NAP1L1: variants seen among roughly 807,000 people sequenced by gnomAD.
NAP1L1 encodes nucleosome assembly protein 1-like 1.
NAP1L1 carries 9 observed loss-of-function variants against 58.9 expected under a neutral mutation model. That is an observed-to-expected ratio of 0.15 (90% CI 0.09 to 0.27). The LOEUF (loss-of-function observed/expected upper bound fraction) is 0.27. NAP1L1 is among the 10% of genes least tolerant of loss of function. The pLI is 1.00. For missense variants in NAP1L1, 302 were observed against 458.8 expected (o/e 0.66, Z 3.12); for synonymous variants, 130 against 138.3 (o/e 0.94, Z 0.42).
chr12:76,069,172 T>C (rs760289192), intron 2 of NAP1L1, among the ~76,000 whole-genome samples, 178 bp from the exon 3 acceptor site: 3 of 152,230 alleles, frequency 2.0e-5, no homozygotes, highest in Non-Finnish European at 4.4e-5. Flanking sequence ...TGGAAGTGCT[T>C]ACACTTTCAT....
chr12:76,057,929 G>T, intron 6 of NAP1L1: 1 of 1,130,790 alleles, frequency 8.8e-7, no homozygotes, highest in Non-Finnish European at 1.3e-6. Flanking sequence ...GACAAGGGTT[G>T]TGGCCTTGTA....
chr12:76,055,107 T>C lies in NAP1L1; in HGVS notation c.559-17A>G, dbSNP rs370229492. On this transcript the variant is annotated splice_polypyrimidine_tract_variant and intron_variant, in intron 7 of 14. Transcript: ENST00000618691. ...ATCGTGTTCCTTCAAATTAAAAAAATAATAAAAATGAATAACATGGCATTC... is the reference window on the plus strand; with the variant it reads ...ATCGTGTTCCTTCAAATTAAAAAAACAATAAAAATGAATAACATGGCATTC... 3.2e-6 allele frequency: 5 copies of C among 1,553,686 alleles called. No homozygotes were observed. Among genetic ancestry groups the C allele is most frequent in the Non-Finnish European group, 4.4e-6 (5 of 1,141,750 alleles).
At chr12:76,053,485 A>G (rs760935894) in intron 9 of NAP1L1, 135 bp from the exon 10 acceptor site, 1 of 1,052,310 alleles carries the variant, frequency 9.5e-7, no homozygotes, top group Non-Finnish European at 1.3e-6. Flanking sequence ...AGCAGTATAA[A>G]GGGAAAAATT....
At chr12:76,056,750 C>T (rs971013631) in intron 6 of NAP1L1, 18 of 414,070 alleles carry the variant, frequency 4.3e-5, no homozygotes, top group Non-Finnish European at 4.3e-5. Flanking sequence ...CAGTGGCTCA[C>T]GCTTGTAATC....
At position 76,047,534 on chromosome 12, in the gene NAP1L1, G is replaced by A. The variant is rs1415406788; in HGVS notation, c.*895C>T. The A allele has an allele frequency of 6.6e-6, 1 of 150,496 alleles. No individual in the cohort carries two copies. The highest frequency in any genetic ancestry group is 1.5e-5 in the Non-Finnish European group (1 of 67,676). 9.3% of individuals were successfully genotyped at this position (150,496 alleles called of 1,614,324 possible). On this transcript the variant is annotated 3_prime_UTR_variant, in exon 15 of 15. Transcript: ENST00000618691. ...AACTGAGTATAACCCTTAATTCAAGGTAGGCCTCTACTTCTACCTGAATTG... is the reference window on the plus strand; with the variant it reads ...AACTGAGTATAACCCTTAATTCAAGATAGGCCTCTACTTCTACCTGAATTG...
chr12:76,078,108 G>T (rs1950264719), intron 1 of NAP1L1, among the ~76,000 whole-genome samples: 3 of 151,768 alleles, frequency 2.0e-5, no homozygotes, highest in Admixed American at 2.0e-4. Flanking sequence ...GCCCAAAACT[G>T]AGGGCAAAAC....
chr12:76,052,289 C>A lies in NAP1L1; in HGVS notation c.936+802G>T, dbSNP rs186911838. Among the ~76,000 whole-genome samples the A allele has an allele frequency of 2.0e-5, 3 of 152,120 alleles. No homozygotes were observed. In the East Asian group the frequency reaches 5.8e-4, roughly 29 times the overall value. On this transcript the variant is annotated intron_variant, in intron 11 of 14. Coordinates refer to ENST00000618691, the MANE Select transcript of NAP1L1 (RefSeq NM_004537.7). ...AACAAAAAAAAACCCCAAACTTGAA[C>A]ACAAACTCCAACCCATCCACTGATA... is the stretch of plus-strand genomic sequence containing the variant.
chr12:76,062,268 A>G (rs766310660), intron 4 of NAP1L1, among the ~76,000 whole-genome samples: 15 of 152,160 alleles, frequency 9.9e-5, no homozygotes, highest in East Asian at 1.9e-4. Flanking sequence ...AAAGCACACC[A>G]TAAAAATTGC....
At chr12:76,084,318 C>T (rs1646268123) in intron 1 of NAP1L1, among the ~76,000 whole-genome samples, 1 of 152,170 alleles carries the variant, frequency 6.6e-6, no homozygotes, top group African/African-American at 2.4e-5. Context: ...GGCCTCCAGG[C>T]CGCGCCAACC....
chr12:76,056,066 A>C lies in NAP1L1; in HGVS notation c.525T>G (p.Phe175Leu), dbSNP rs747372763. ...TATCACTGAGCAAGTCAACATTCTT[A>C]AAAACAGTTAACCAAAATTCAGGAA... ...KGIPEFWLTVFKNVDLLSDMV... is the reference protein window; with the variant it reads ...KGIPEFWLTVLKNVDLLSDMV... The change falls in exon 7 of 15, where the codon TTT (phenylalanine) becomes TTG (leucine). Residue 175 changes from phenylalanine to leucine, a missense_variant. Phe to Leu is a conservative substitution (Grantham distance 22). Transcript: ENST00000618691. 1 of 1,612,230 alleles carries C rather than the reference A, an allele frequency of 6.2e-7. No homozygotes were observed. Among genetic ancestry groups the C allele is most frequent in the Non-Finnish European group, 8.5e-7 (1 of 1,179,742 alleles).
chr12:76,064,343 C>A (rs965244143), intron 4 of NAP1L1, among the ~76,000 whole-genome samples: 4 of 152,068 alleles, frequency 2.6e-5, no homozygotes, highest in Non-Finnish European at 5.9e-5. Context: ...TCAGGTCAAA[C>A]AGACAACCAA....
At chr12:76,051,003 A>AG (rs1948799870) in intron 11 of NAP1L1, among the ~76,000 whole-genome samples, 2 of 80,690 alleles carry the variant, frequency 2.5e-5, no homozygotes, top group South Asian at 9.7e-4. Flanking sequence ...TGGGCAACCG[A>AG]AAAAAAAAAA....
chr12:76,071,935 T>C (rs1487023114), intron 2 of NAP1L1, among the ~76,000 whole-genome samples: 1 of 143,948 alleles, frequency 6.9e-6, no homozygotes, highest in Non-Finnish European at 1.5e-5. Context: ...CCAGACACTG[T>C]TCAACGATGA....
At position 76,067,426 on chromosome 12, in the gene NAP1L1, C is replaced by A; in HGVS notation, c.151G>T (p.Ala51Ser). ...QMMQNPQILAALQERLDGLVE... is the reference protein window; with the variant it reads ...QMMQNPQILASLQERLDGLVE... ...AGACCATCAAGTCTTTCTTGAAGGG[C>A]TGCAAGAATCTGAGGATTTTGCATC... The change falls in exon 4 of 15, where the codon GCC (alanine) becomes TCC (serine). Residue 51 changes from alanine (A) to serine (S), a missense_variant. Ala to Ser is a moderately conservative substitution (Grantham distance 99, BLOSUM62 1). Coordinates refer to ENST00000618691, the MANE Select transcript of NAP1L1 (RefSeq NM_004537.7). The A allele has an allele frequency of 6.2e-7, 1 of 1,608,886 alleles. No individual in the cohort carries two copies. Among genetic ancestry groups the A allele is most frequent in the Non-Finnish European group, 8.5e-7 (1 of 1,176,892 alleles).
chr12:76,059,553 C>T (rs1009419017), intron 6 of NAP1L1: 1 of 415,582 alleles, frequency 2.4e-6, no homozygotes, highest in Non-Finnish European at 4.2e-6. Flanking sequence ...TTTTAAACTG[C>T]TGTGGACACT....
At chr12:76,075,742 AC>A (rs1488046893) in intron 1 of NAP1L1, among the ~76,000 whole-genome samples, 1 of 152,224 alleles carries the variant, frequency 6.6e-6, no homozygotes, top group East Asian at 1.9e-4. Context: ...CAGTTTGTCT[AC>A]CACATCATCA....
chr12:76,042,654 C>T lies in NAP1L1; in HGVS notation c.*5775G>A, dbSNP rs145687953. On this transcript the variant is annotated 3_prime_UTR_variant, in exon 15 of 15. Transcript: ENST00000618691. ...GGAAAAATAACATTGTTTGATTCAA[C>T]TTCAAAGTATCCACTGTGCGTTCAG... is the stretch of plus-strand genomic sequence containing the variant. 3.3e-5 allele frequency: 5 copies of T among 152,296 alleles called. No individual in the cohort carries two copies. The highest frequency in any genetic ancestry group is 1.2e-4 in the African/African-American group (5 of 41,574). The allele number at this position is 152,296 out of a possible 1,614,324, so 9.4% of individuals were successfully genotyped here. A position where few individuals can be genotyped will look rare whatever the true frequency, so the allele number is the denominator to read the frequency against.
chr12:76,058,794 G>GA (rs1949267166), intron 6 of NAP1L1, among the ~76,000 whole-genome samples: 1 of 152,136 alleles, frequency 6.6e-6, no homozygotes, highest in South Asian at 2.1e-4. Context: ...AAAAGAATTT[G>GA]AATTTGGCTT....
At position 76,074,235 on chromosome 12, in the gene NAP1L1, A is replaced by G; in HGVS notation, c.-16T>C. 1 of 1,592,238 alleles carries G rather than the reference A, an allele frequency of 6.3e-7. No individual in the cohort carries two copies. Among genetic ancestry groups the G allele is most frequent in the Non-Finnish European group, 8.5e-7 (1 of 1,171,686 alleles). On this transcript the variant is annotated 5_prime_UTR_variant, in exon 2 of 15. Transcript: ENST00000618691. ...TGTCTGCCATGTTGTAAGAACTCCA[A>G]ATATCTATGGAGAGAAACATCAATG...
Sources: allele counts gnomAD v4.1 joint callset (sites outside exome capture counted in the v4.1 genomes callset), GRCh38; gene constraint gnomAD v4.1.1; transcripts MANE v1.5; gene names NCBI Gene and HGNC (gene_info 2026-07-23, HGNC 2026-07-21).